The following DLG2 variants were observed in gnomAD, a reference collection of about 807,000 sequenced individuals.
DLG2 encodes discs large MAGUK scaffold protein 2.
A neutral mutation model predicts 132.5 loss-of-function variants in DLG2; 45 were observed. That is an observed-to-expected ratio of 0.34 (90% CI 0.27 to 0.44). The LOEUF (loss-of-function observed/expected upper bound fraction) is 0.44. Among genes scored for constraint, DLG2 ranks in the 20% least tolerant of loss-of-function variants. The pLI is 1.00. For missense variants in DLG2, 1,045 were observed against 1,196.9 expected, an observed-to-expected ratio of 0.87 and a Z score of 1.87; for synonymous variants, 424 against 419.6, an observed-to-expected ratio of 1.01 and a Z score of -0.13.
At chr11:84,998,193 T>C (rs1246816957) in intron 6 of DLG2, among the ~76,000 whole-genome samples, 1 of 152,106 alleles carries the variant, frequency 6.6e-6, no homozygotes, top group African/African-American at 2.4e-5. Context: ...TGGCTCTGTT[T>C]CCTCACCCAA....
intron 16 of DLG2, among the ~76,000 whole-genome samples, chr11:83,860,406 G>A (rs538447914): frequency 2.3e-4 from 35 of 152,304 alleles, no homozygotes; most frequent in African/African-American, 7.9e-4. Flanking sequence ...GAGACATGGA[G>A]TCAAAGGAGC....
At chr11:84,631,018 T>TCTCTCACACA (rs1217703556) in intron 6 of DLG2, among the ~76,000 whole-genome samples, 1 of 94,290 alleles carries the variant, frequency 1.1e-5, no homozygotes, top group Admixed American at 1.3e-4. Flanking sequence ...TCTCTCTCTC[T>TCTCTCACACA]CACACACACA....
intron 6 of DLG2, among the ~76,000 whole-genome samples, chr11:84,758,106 T>G (rs2067136243): frequency 6.6e-6 from 1 of 152,262 alleles, no homozygotes; most frequent in Admixed American, 6.5e-5. Context: ...AGGAACTTAC[T>G]ACACACAGAG....
Position 85,463,687 on chromosome 11 carries a change from C to G in DLG2, c.40+134970G>C, listed in dbSNP as rs1373271575. 9.2e-5 allele frequency among the ~76,000 whole-genome samples: 14 copies of G among 152,098 alleles called. 1 individual carries two copies. Among genetic ancestry groups the G allele is most frequent in the Non-Finnish European group, 1.5e-5 (1 of 68,012 alleles). On this transcript the variant is annotated intron_variant, in intron 3 of 27. Transcript: ENST00000376104. ...TTCAGAGGCTAAGGCGGGAGGATGA[C>G]TTGAGCCCAGGAGTTCAAGGCTGCA...
chr11:84,303,139 T>C (rs2098175081), intron 7 of DLG2, among the ~76,000 whole-genome samples: 1 of 151,892 alleles, frequency 6.6e-6, no homozygotes, highest in South Asian at 2.1e-4. Context: ...AAACAAAACT[T>C]GAAGTTGGAA....
At chr11:83,511,976 C>A (rs939911415) in intron 21 of DLG2, among the ~76,000 whole-genome samples, 9 of 152,090 alleles carry the variant, frequency 5.9e-5, no homozygotes, top group Non-Finnish European at 1.3e-4. Flanking sequence ...GCATAGGGAA[C>A]ACAAAGGGAA....
At chr11:85,018,665 A>G (rs1200870385) in intron 6 of DLG2, among the ~76,000 whole-genome samples, 1 of 152,116 alleles carries the variant, frequency 6.6e-6, no homozygotes, top group Non-Finnish European at 1.5e-5. Context: ...GGACTTTAAC[A>G]TGAATATTCA....
intron 7 of DLG2, among the ~76,000 whole-genome samples, chr11:84,297,952 G>A (rs2098112604): frequency 6.6e-6 from 1 of 152,008 alleles, no homozygotes; most frequent in Admixed American, 6.6e-5. Context: ...CATCTCTCAA[G>A]TAGGAACTCA....
intron 18 of DLG2, among the ~76,000 whole-genome samples, chr11:83,658,783 C>G (rs1361522012): frequency 6.6e-6 from 1 of 152,196 alleles, no homozygotes; most frequent in African/African-American, 2.4e-5. Flanking sequence ...AAGAAGTTTA[C>G]CACTTCTCTA....
chr11:85,299,574 A>T lies in DLG2; in HGVS notation c.41-14209T>A, dbSNP rs1179998977. Among the ~76,000 whole-genome samples, 3 of 152,094 alleles carry T rather than the reference A, an allele frequency of 2.0e-5. No individual in the cohort carries two copies. The East Asian group carries it at 5.8e-4, about 29-fold the overall frequency. ...GATTCTTATGACCCTGTGTCATTGG[A>T]ATATATGTTTTATTTCCCTACATGT... On this transcript the variant is annotated intron_variant, in intron 3 of 27. Coordinates refer to ENST00000376104, the MANE Select transcript of DLG2 (RefSeq NM_001142699.3).
At chr11:85,485,934 G>T (rs900150526) in intron 3 of DLG2, among the ~76,000 whole-genome samples, 1 of 152,174 alleles carries the variant, frequency 6.6e-6, no homozygotes, top group African/African-American at 2.4e-5. Flanking sequence ...GGCTGGGACG[G>T]GAAAGGGGAG....
At chr11:85,001,075 A>C (rs776371824) in intron 6 of DLG2, among the ~76,000 whole-genome samples, 1 of 151,932 alleles carries the variant, frequency 6.6e-6, no homozygotes, top group Non-Finnish European at 1.5e-5. Context: ...TGCCCCACCC[A>C]TAATACCCCC....
At chr11:84,755,659 G>A (rs2066772934) in intron 6 of DLG2, among the ~76,000 whole-genome samples, 1 of 152,184 alleles carries the variant, frequency 6.6e-6, no homozygotes, top group Non-Finnish European at 1.5e-5. Flanking sequence ...TCCTGACCTC[G>A]TGATCCACCC....
intron 18 of DLG2, among the ~76,000 whole-genome samples, chr11:83,681,445 T>A (rs1177537593): frequency 6.6e-6 from 1 of 152,130 alleles, no homozygotes; most frequent in African/African-American, 2.4e-5. Context: ...CAGCCACAAG[T>A]CATGCAAATA....
chr11:84,394,077 A>G (rs2098802569), intron 7 of DLG2, among the ~76,000 whole-genome samples: 1 of 151,980 alleles, frequency 6.6e-6, no homozygotes. Context: ...GGGTTTCACT[A>G]TGTTGGCCAG....
At chr11:83,824,371 T>C (rs1271986701) in intron 17 of DLG2, among the ~76,000 whole-genome samples, 2 of 152,124 alleles carry the variant, frequency 1.3e-5, no homozygotes, top group African/African-American at 4.8e-5. Flanking sequence ...TCTCCCTTCA[T>C]GAGGCTACAT....
chr11:85,141,078 A>C (rs1168559439), intron 5 of DLG2, among the ~76,000 whole-genome samples: 1 of 151,870 alleles, frequency 6.6e-6, no homozygotes, highest in Non-Finnish European at 1.5e-5. Context: ...TTCTGGATAA[A>C]TACCTAGCAA....
intron 9 of DLG2, among the ~76,000 whole-genome samples, chr11:84,125,311 T>G (rs2154210135): frequency 6.6e-6 from 1 of 152,200 alleles, no homozygotes; most frequent in African/African-American, 2.4e-5. Flanking sequence ...CACACACAAG[T>G]TTTTGGTTAC....
chr11:84,572,769 A>G (rs1036136977), intron 6 of DLG2, among the ~76,000 whole-genome samples: 1 of 152,126 alleles, frequency 6.6e-6, no homozygotes, highest in African/African-American at 2.4e-5. Context: ...GACAAGAAAA[A>G]AAAAACAGGC....
Sources: allele counts gnomAD v4.1 joint callset (sites outside exome capture counted in the v4.1 genomes callset), GRCh38; gene constraint gnomAD v4.1.1; transcripts MANE v1.5; gene names NCBI Gene and HGNC (gene_info 2026-07-23, HGNC 2026-07-21).